Variants in CBFA2T2 observed in about 807,000 individuals in gnomAD.
The protein encoded by CBFA2T2 is protein CBFA2T2.
CBFA2T2 carries 11 observed loss-of-function variants against 62.2 expected under a neutral mutation model. The observed-to-expected ratio is 0.18, with a 90% confidence interval of 0.11 to 0.29. The LOEUF (loss-of-function observed/expected upper bound fraction) is 0.29, where lower values mean the gene tolerates loss of function less well. CBFA2T2 is among the 10% of genes least tolerant of loss of function. CBFA2T2 has a pLI of 1.00. For missense variants in CBFA2T2, 592 were observed against 774.1 expected, an observed-to-expected ratio of 0.76 and a Z score of 2.79; for synonymous variants, 295 against 287.5, an observed-to-expected ratio of 1.03 and a Z score of -0.27.
chr20:33,517,222 C>G (rs758759673), intron 1 of CBFA2T2, among the ~76,000 whole-genome samples: 4 of 152,064 alleles, frequency 2.6e-5, no homozygotes, highest in Non-Finnish European at 4.4e-5. Flanking sequence ...ATTAATGAAC[C>G]TGTGAAGTTC....
At chr20:33,584,442 A>T (rs2014275687) in intron 1 of CBFA2T2, among the ~76,000 whole-genome samples, 1 of 151,378 alleles carries the variant, frequency 6.6e-6, no homozygotes, top group Non-Finnish European at 1.5e-5. Context: ...TTTTTAGTAG[A>T]GACGGGGTTT....
intron 1 of CBFA2T2, among the ~76,000 whole-genome samples, chr20:33,511,301 T>C (rs2011507777): frequency 6.6e-6 from 1 of 152,196 alleles, no homozygotes; most frequent in African/African-American, 2.4e-5. Flanking sequence ...CCATCTTGAA[T>C]TAATTTTTGT....
intron 1 of CBFA2T2, among the ~76,000 whole-genome samples, chr20:33,520,787 ATATCT>A (rs541878362): frequency 6.4e-4 from 97 of 152,176 alleles, no homozygotes; most frequent in African/African-American, 1.5e-3. Flanking sequence ...AAAAAAAGAA[ATATCT>A]TAAATAACTT....
At chr20:33,623,804 G>A (rs1352284412) in intron 5 of CBFA2T2, 1 of 716,370 alleles carries the variant, frequency 1.4e-6, no homozygotes, top group Middle Eastern at 2.3e-4. Context: ...TATGGGAGTA[G>A]CTTCCAGACA....
At chr20:33,514,525 C>G (rs1424487850) in intron 1 of CBFA2T2, among the ~76,000 whole-genome samples, 1 of 151,780 alleles carries the variant, frequency 6.6e-6, no homozygotes, top group Non-Finnish European at 1.5e-5. Flanking sequence ...ATGGCTGGAG[C>G]AGGGGATGGA....
At chr20:33,508,945 C>A (rs78772364) in intron 1 of CBFA2T2, among the ~76,000 whole-genome samples, 142 of 152,334 alleles carry the variant, frequency 9.3e-4, no homozygotes, top group African/African-American at 3.3e-3. Context: ...CACAAACTTA[C>A]TTGTTTTAAA....
At chr20:33,549,313 A>G (rs1173228535) in intron 1 of CBFA2T2, among the ~76,000 whole-genome samples, 1 of 152,126 alleles carries the variant, frequency 6.6e-6, no homozygotes, top group Non-Finnish European at 1.5e-5. Context: ...ACTTGTGTAG[A>G]TTGTTCCCAG....
intron 3 of CBFA2T2, 41 bp from the exon 4 acceptor site, chr20:33,619,476 G>C (rs770671189): frequency 8.8e-7 from 1 of 1,139,950 alleles, no homozygotes; most frequent in Admixed American, 2.5e-5. Flanking sequence ...AGTTTTGGAA[G>C]TCCAGTTTTG....
Position 33,648,101 on chromosome 20 carries a change from G to A in CBFA2T2, c.*3455G>A. ...GCTGACAGCACCTCAGCTACCAGGT[G>A]GGGAGTGGAAATTCAGCCTGCTTAG... On this transcript the variant is annotated 3_prime_UTR_variant, in exon 11 of 11. Coordinates refer to ENST00000342704, the MANE Select transcript of CBFA2T2 (RefSeq NM_001032999.3). 6.6e-6 allele frequency: 1 copy of A among 152,266 alleles called. No individual in the cohort carries two copies. The highest frequency in any genetic ancestry group is 1.9e-4 in the East Asian group (1 of 5,202). The allele number at this position is 152,266 out of a possible 1,614,324, so 9.4% of individuals were successfully genotyped here.
intron 1 of CBFA2T2, among the ~76,000 whole-genome samples, chr20:33,569,607 A>C (rs1382901912): frequency 6.6e-6 from 1 of 152,242 alleles, no homozygotes; most frequent in African/African-American, 2.4e-5. Context: ...CTGCCCTGTC[A>C]GTGAAGGGTA....
At chr20:33,517,734 C>T (rs1390701730) in intron 1 of CBFA2T2, among the ~76,000 whole-genome samples, 1 of 150,206 alleles carries the variant, frequency 6.7e-6, no homozygotes, top group Non-Finnish European at 1.5e-5. Context: ...CAACCTCCGC[C>T]TCCCGGTTCA....
intron 3 of CBFA2T2, among the ~76,000 whole-genome samples, chr20:33,615,556 GGTAGAAAGACAGACTTCTCCCT>G (rs2015673776): frequency 2.6e-5 from 4 of 152,120 alleles, no homozygotes; most frequent in Non-Finnish European, 5.9e-5. Flanking sequence ...TCAGAGGCAA[GGTAGAAAGACAGACTTCTCCCT>G]ATTCCCCCCA....
chr20:33,567,458 C>A (rs1004605491), intron 1 of CBFA2T2, among the ~76,000 whole-genome samples: 1 of 152,070 alleles, frequency 6.6e-6, no homozygotes, highest in African/African-American at 2.4e-5. Context: ...TGGTACAGTA[C>A]GCTAAGACAT....
At chr20:33,524,898 G>A (rs949541957) in intron 1 of CBFA2T2, among the ~76,000 whole-genome samples, 11 of 152,034 alleles carry the variant, frequency 7.2e-5, no homozygotes, top group African/African-American at 9.7e-5. Context: ...ACAGTGGCAC[G>A]ATCTCAGCTC....
At chr20:33,517,940 A>G (rs2011631392) in intron 1 of CBFA2T2, among the ~76,000 whole-genome samples, 1 of 148,242 alleles carries the variant, frequency 6.7e-6, no homozygotes. Flanking sequence ...CACCGTGCCC[A>G]GCTTACATTT....
intron 1 of CBFA2T2, among the ~76,000 whole-genome samples, chr20:33,513,816 G>GAAA (rs11481160): frequency 9.9e-5 from 11 of 111,470 alleles, no homozygotes; most frequent in Admixed American, 2.0e-4. Context: ...TCTGTCCCAG[G>GAAA]AAAAAAAAAA....
intron 10 of CBFA2T2, among the ~76,000 whole-genome samples, chr20:33,642,114 T>TGTGTGTG (rs1555851369): frequency 3.2e-5 from 2 of 62,806 alleles, no homozygotes; most frequent in Non-Finnish European, 7.0e-5. Flanking sequence ...TCTTTTTTTT[T>TGTGTGTG]TTTGTGTGTG....
At chr20:33,610,282 TG>T (rs1190062577) in intron 2 of CBFA2T2, among the ~76,000 whole-genome samples, 1 of 152,166 alleles carries the variant, frequency 6.6e-6, no homozygotes, top group Admixed American at 6.5e-5. Flanking sequence ...CACTCCAGCT[TG>T]GATGACAGAA....
chr20:33,572,584 G>A (rs1367163316), intron 1 of CBFA2T2, among the ~76,000 whole-genome samples: 3 of 152,214 alleles, frequency 2.0e-5, no homozygotes, highest in Non-Finnish European at 4.4e-5. Context: ...GAAATAGTCG[G>A]TGGATGTCAG....
Sources: gnomAD v4.1 joint callset for allele counts (sites outside exome capture counted in the v4.1 genomes callset) on GRCh38, gnomAD v4.1.1 for gene constraint, MANE v1.5 for transcripts, NCBI Gene and HGNC (gene_info 2026-07-23, HGNC 2026-07-21) for gene names.